Variants in CHN1 observed in about 807,000 individuals in gnomAD.
CHN1 encodes the protein chimerin 1.
CHN1 carries 37 observed loss-of-function variants against 59.5 expected under a neutral mutation model. The observed-to-expected ratio is 0.62, with a 90% CI of 0.48 to 0.82. The LOEUF (loss-of-function observed/expected upper bound fraction) is 0.82. Ranked by LOEUF, CHN1 falls within the 40% of genes least tolerant of loss-of-function variation. CHN1 has a pLI of 0.00. For missense variants in CHN1, 469 were observed against 571.0 expected, an observed-to-expected ratio of 0.82 and a Z score of 1.82; for synonymous variants, 206 against 200.4, an observed-to-expected ratio of 1.03 and a Z score of -0.24.
At chr2:174,808,879 T>C in intron 11 of CHN1, 26 bp downstream of exon 11, 1 of 1,611,756 alleles carries the variant, frequency 6.2e-7, no homozygotes, top group South Asian at 1.1e-5. Flanking sequence ...TGTCAGGTTA[T>C]TTGAAATACA....
intron 3 of CHN1, among the ~76,000 whole-genome samples, chr2:174,925,324 C>A (rs535069781): frequency 6.6e-6 from 1 of 152,190 alleles, no homozygotes; most frequent in African/African-American, 2.4e-5. Flanking sequence ...AAATTCCAAT[C>A]CAACTCTGGT....
chr2:174,860,354 G>A (rs896967686), intron 6 of CHN1, among the ~76,000 whole-genome samples: 2 of 152,034 alleles, frequency 1.3e-5, no homozygotes, highest in African/African-American at 2.4e-5. Flanking sequence ...GTAATTCAGT[G>A]AGTAATTATA....
At position 175,005,011 on chromosome 2, in the gene CHN1, G is replaced by C; in HGVS notation, c.-99C>G. On this transcript the variant is annotated 5_prime_UTR_variant, in exon 1 of 13. Coordinates refer to ENST00000409900, the MANE Select transcript of CHN1 (RefSeq NM_001822.7). ...GCCGCACCCACACCTCGGAGAGAGTGGGGTGCCCGATGGGGCGTGCTGGGG... is the reference window on the plus strand; with the variant it reads ...GCCGCACCCACACCTCGGAGAGAGTCGGGTGCCCGATGGGGCGTGCTGGGG... The C allele has an allele frequency of 1.3e-6, 2 of 1,488,532 alleles. No homozygotes were observed. The highest frequency in any genetic ancestry group is 1.8e-6 in the Non-Finnish European group (2 of 1,120,530). The allele number at this position is 1,488,532 out of a possible 1,614,324, so 92.2% of individuals were successfully genotyped here.
chr2:174,893,401 ATAAACT>A (rs754179630), intron 5 of CHN1, among the ~76,000 whole-genome samples: 5 of 152,192 alleles, frequency 3.3e-5, no homozygotes, highest in Admixed American at 1.3e-4. Flanking sequence ...ATACTTAGAA[ATAAACT>A]TAAAAGGCAA....
intron 6 of CHN1, among the ~76,000 whole-genome samples, chr2:174,852,771 AAGCCTCACACTTAAAACAATCT>A (rs370750093): frequency 5.1e-4 from 78 of 152,330 alleles, no homozygotes; most frequent in African/African-American, 1.8e-3. Context: ...CCAAGAAATA[AAGCCTCACACTTAAAACAATCT>A]GATCTTCGAC....
intron 1 of CHN1, among the ~76,000 whole-genome samples, chr2:174,990,213 GGTGTGTGTGTGTGGTGTGTCTGTGT>G (rs1374106395): frequency 1.3e-5 from 2 of 149,612 alleles, no homozygotes; most frequent in African/African-American, 4.9e-5. Flanking sequence ...GTGTGTGCGG[GGTGTGTGTGTGTGGTGTGTCTGTGT>G]GTGTGTGTGT....
intron 5 of CHN1, among the ~76,000 whole-genome samples, chr2:174,878,433 C>A (rs755827369): frequency 6.6e-6 from 1 of 152,070 alleles, no homozygotes; most frequent in East Asian, 1.9e-4. Flanking sequence ...AGAAAATAAA[C>A]CTCACACCAC....
At chr2:174,922,733 G>GA (rs888298892) in intron 3 of CHN1, among the ~76,000 whole-genome samples, 1 of 151,876 alleles carries the variant, frequency 6.6e-6, no homozygotes, top group African/African-American at 2.4e-5. Flanking sequence ...TAAAAAAAAA[G>GA]AAATATTTTA....
chr2:174,962,543 A>C (rs546107195), intron 1 of CHN1, among the ~76,000 whole-genome samples: 14 of 152,204 alleles, frequency 9.2e-5, no homozygotes, highest in Admixed American at 1.3e-4. Context: ...CATCAGCAGA[A>C]TATGACTGAG....
At chr2:174,893,945 C>T (rs1688131254) in intron 5 of CHN1, among the ~76,000 whole-genome samples, 1 of 152,252 alleles carries the variant, frequency 6.6e-6, no homozygotes. Flanking sequence ...CATCTGTATA[C>T]ACCATGTACA....
intron 7 of CHN1, among the ~76,000 whole-genome samples, chr2:174,830,535 C>T (rs531328776): frequency 2.6e-4 from 39 of 152,280 alleles, no homozygotes; most frequent in African/African-American, 8.4e-4. Flanking sequence ...TTAAGCACCA[C>T]GATAATGTCA....
At chr2:174,995,050 T>C (rs989718238) in intron 1 of CHN1, among the ~76,000 whole-genome samples, 1 of 152,216 alleles carries the variant, frequency 6.6e-6, no homozygotes, top group Admixed American at 6.5e-5. Context: ...TTTAGATTGA[T>C]TGAAGGTTAT....
At chr2:174,807,442 CTATCTGTGTGTGTGTGTGTG>C (rs1421628239) in intron 11 of CHN1, among the ~76,000 whole-genome samples, 71 of 114,274 alleles carry the variant, frequency 6.2e-4, no homozygotes, top group African/African-American at 2.2e-3. Context: ...TTTTCACGGG[CTATCTGTGTGTGTGTGTGTG>C]TGTGTGTGTG....
intron 11 of CHN1, among the ~76,000 whole-genome samples, chr2:174,805,574 G>A (rs1237452424): frequency 6.6e-6 from 1 of 152,152 alleles, no homozygotes; most frequent in African/African-American, 2.4e-5. Flanking sequence ...TAGAGGTGAT[G>A]GGAATCAGAG....
At chr2:174,934,253 C>A (rs573729362) in intron 3 of CHN1, among the ~76,000 whole-genome samples, 63 of 152,272 alleles carry the variant, frequency 4.1e-4, no homozygotes, top group African/African-American at 1.5e-3. Context: ...ACAGTCTCAT[C>A]TGGGGGTAAT....
intron 5 of CHN1, among the ~76,000 whole-genome samples, chr2:174,914,671 C>T (rs1038776554): frequency 2.0e-5 from 3 of 151,708 alleles, no homozygotes; most frequent in Non-Finnish European, 4.4e-5. Flanking sequence ...GGTGAAACCC[C>T]GTCTCTACTA....
chr2:174,954,065 A>T (rs1690111867), intron 1 of CHN1, among the ~76,000 whole-genome samples: 2 of 152,208 alleles, frequency 1.3e-5, no homozygotes, highest in African/African-American at 4.8e-5. Context: ...ATAGTTACCA[A>T]AACAGCATAG....
intron 1 of CHN1, among the ~76,000 whole-genome samples, chr2:174,975,308 T>C (rs1484803388): frequency 1.3e-5 from 2 of 152,182 alleles, no homozygotes; most frequent in African/African-American, 4.8e-5. Flanking sequence ...ATTTTTAAAA[T>C]ATCCAAGCCT....
intron 9 of CHN1, chr2:174,812,079 T>C: frequency 2.6e-6 from 1 of 380,958 alleles, no homozygotes. Flanking sequence ...CATCTATAAA[T>C]ATATTTTTAT....
Sources: gnomAD v4.1 joint callset for allele counts (sites outside exome capture counted in the v4.1 genomes callset) on GRCh38, gnomAD v4.1.1 for gene constraint, MANE v1.5 for transcripts, NCBI Gene and HGNC (gene_info 2026-07-23, HGNC 2026-07-21) for gene names.